The following CNIH3 variants were observed in gnomAD, a reference collection of about 807,000 sequenced individuals.
The protein encoded by CNIH3 is cornichon family AMPA receptor auxiliary protein 3.
A neutral mutation model predicts 24.1 loss-of-function variants in CNIH3; 14 were observed. The ratio of observed to expected loss-of-function variants is 0.58; its 90% CI spans 0.38 to 0.91. CNIH3 has a LOEUF of 0.91. CNIH3 is among the 40% of genes least tolerant of loss of function. CNIH3 has a pLI of 0.00. For missense variants in CNIH3, 178 were observed against 196.8 expected, an observed-to-expected ratio of 0.90 and a Z score of 0.57; for synonymous variants, 68 against 73.8, an observed-to-expected ratio of 0.92 and a Z score of 0.40.
rs929511058 is a variant in CNIH3, at chr1:224,434,747, G to A, written n.88G>A. The A allele has an allele frequency of 1.1e-5, 11 of 986,922 alleles. No individual in the cohort carries two copies. In the South Asian group the frequency reaches 2.7e-4, roughly 24 times the overall value. The allele number at this position is 986,922 out of a possible 1,614,324, so 61.1% of individuals were successfully genotyped here. On this transcript the variant is annotated non_coding_transcript_exon_variant, in exon 1 of 6. Coordinates refer to the CNIH3 transcript ENST00000471578. ...AGCTGCCGCCTCTGTCCTCGGATCC[G>A]CTCCGCTCTGCTCCCTGGTGTGTTG...
chr1:224,658,447 G>A (rs934844876), intron 1 of CNIH3, among the ~76,000 whole-genome samples: 2 of 151,976 alleles, frequency 1.3e-5, no homozygotes, highest in African/African-American at 2.4e-5. Flanking sequence ...AATTACAGGC[G>A]TGAGCCCCTG....
intron 3 of CNIH3, among the ~76,000 whole-genome samples, chr1:224,563,865 A>G (rs900303085): frequency 1.3e-5 from 2 of 152,206 alleles, no homozygotes; most frequent in Non-Finnish European, 1.5e-5. Context: ...TTGGCCCTGG[A>G]TTGAGAATAG....
chr1:224,625,037 C>T (rs1683453485), intron 1 of CNIH3, among the ~76,000 whole-genome samples: 1 of 152,190 alleles, frequency 6.6e-6, no homozygotes, highest in Non-Finnish European at 1.5e-5. Flanking sequence ...TTGTATTTGT[C>T]TCTGTGCTTG....
chr1:224,475,499 T>G (rs1286373252), intron 1 of CNIH3, among the ~76,000 whole-genome samples: 1 of 152,028 alleles, frequency 6.6e-6, no homozygotes, highest in Non-Finnish European at 1.5e-5. Flanking sequence ...AACAGATAAA[T>G]TCCTAGATAC....
chr1:224,486,030 A>G (rs1199963206), intron 1 of CNIH3, among the ~76,000 whole-genome samples: 1 of 151,882 alleles, frequency 6.6e-6, no homozygotes, highest in East Asian at 1.9e-4. Flanking sequence ...CCAGGTGAGG[A>G]TGCATACGAT....
In CNIH3 at chr1:224,636,090, C is replaced by T. The variant is rs58632343; in HGVS notation, c.81+18835C>T. Among the ~76,000 whole-genome samples the T allele has an allele frequency of 2.2e-3, 336 of 152,258 alleles. 4 individuals carry two copies. In the East Asian group the frequency reaches 0.028, roughly 13 times the overall value. On this transcript the variant is annotated intron_variant, in intron 1 of 5. Transcript: ENST00000272133. ...CAAGCCAAAACCCAAGACAGTAAAACGTCTGGGGTCAAGGGCTTAACCAGG... is the reference window on the plus strand; with the variant it reads ...CAAGCCAAAACCCAAGACAGTAAAATGTCTGGGGTCAAGGGCTTAACCAGG...
intron 3 of CNIH3, chr1:224,546,983 G>C: frequency 2.3e-6 from 2 of 857,184 alleles, no homozygotes; most frequent in Non-Finnish European, 2.8e-6. Flanking sequence ...TAGGACTTTT[G>C]AAGTAGTAAT....
chr1:224,463,785 T>A (rs1301931485), intron 1 of CNIH3, among the ~76,000 whole-genome samples: 4 of 116,884 alleles, frequency 3.4e-5, no homozygotes, highest in African/African-American at 1.1e-4. Context: ...TTTTTTTTTT[T>A]TTTTTTTTTT....
At chr1:224,697,074 C>T (rs1687214903) in intron 3 of CNIH3, among the ~76,000 whole-genome samples, 1 of 152,172 alleles carries the variant, frequency 6.6e-6, no homozygotes, top group South Asian at 2.1e-4. Flanking sequence ...ATACCATGGG[C>T]TATGATTTTC....
intron 1 of CNIH3, among the ~76,000 whole-genome samples, chr1:224,651,567 A>G (rs6690547): frequency 0.012 from 1,877 of 152,292 alleles, 40 homozygotes; most frequent in African/African-American, 0.043. Flanking sequence ...CATCTTACAT[A>G]AACACTAATG....
chr1:224,688,358 A>G (rs12088524), intron 3 of CNIH3, among the ~76,000 whole-genome samples: 42,992 of 152,058 alleles, frequency 0.28, 6,311 homozygotes, highest in East Asian at 0.39. Flanking sequence ...AAAGGCATTT[A>G]GGTCCTGGGC....
downstream of CNIH3, among the ~76,000 whole-genome samples, chr1:224,542,478 G>A (rs943716414): frequency 5.3e-5 from 8 of 152,216 alleles, no homozygotes; most frequent in African/African-American, 1.4e-4. Flanking sequence ...TTAGGAACAC[G>A]AAATAGAATA....
downstream of CNIH3, among the ~76,000 whole-genome samples, chr1:224,538,102 G>A (rs1268472941): frequency 4.0e-5 from 6 of 151,798 alleles, no homozygotes; most frequent in East Asian, 1.9e-4. Context: ...AGGTGCCACC[G>A]TGCCTGGCTA....
chr1:224,730,666 T>C, intron 4 of CNIH3, 92 bp downstream of exon 4: 1 of 741,856 alleles, frequency 1.3e-6, no homozygotes, highest in Non-Finnish European at 2.3e-6. Flanking sequence ...ACAGCTTCTA[T>C]TGCCTTCCAA....
intron 3 of CNIH3, among the ~76,000 whole-genome samples, chr1:224,700,193 C>G (rs557935903): frequency 1.6e-3 from 244 of 152,336 alleles, no homozygotes; most frequent in Non-Finnish European, 3.1e-3. Flanking sequence ...TGTTTGCTAG[C>G]TCTGGGTCTC....
At chr1:224,630,795 C>A (rs1038639051) in intron 1 of CNIH3, among the ~76,000 whole-genome samples, 1 of 152,164 alleles carries the variant, frequency 6.6e-6, no homozygotes, top group Non-Finnish European at 1.5e-5. Flanking sequence ...GTAATTAACA[C>A]CTGAAACTGC....
rs148621679 is a variant in CNIH3 at position 224,666,462 on chromosome 1, A to G, written c.82-14496A>G. On this transcript the variant is annotated intron_variant, in intron 1 of 5. Coordinates refer to ENST00000272133, the MANE Select transcript of CNIH3 (RefSeq NM_152495.2). ...TGGCTCTTAAAATTTCCCAAAGTGG[A>G]TAGTGCTATTTAGAAGAATCTTAAT... 5.6e-3 allele frequency among the ~76,000 whole-genome samples: 855 copies of G among 152,314 alleles called. 7 individuals are homozygous for G. The highest frequency in any genetic ancestry group is 0.019 in the African/African-American group (803 of 41,570).
intron 3 of CNIH3, among the ~76,000 whole-genome samples, chr1:224,718,200 G>A (rs1451115760): frequency 1.3e-5 from 2 of 152,092 alleles, no homozygotes; most frequent in African/African-American, 4.8e-5. Context: ...AATAAGGAGG[G>A]AGACGATACT....
At chr1:224,662,993 G>A (rs1356120913) in intron 1 of CNIH3, among the ~76,000 whole-genome samples, 1 of 152,146 alleles carries the variant, frequency 6.6e-6, no homozygotes, top group Non-Finnish European at 1.5e-5. Flanking sequence ...AGAACATCAT[G>A]TATGAGGTTG....
Sources: gnomAD v4.1 joint callset for allele counts (sites outside exome capture counted in the v4.1 genomes callset) on GRCh38, gnomAD v4.1.1 for gene constraint, MANE v1.5 for transcripts, NCBI Gene and HGNC (gene_info 2026-07-23, HGNC 2026-07-21) for gene names.